GRID2: variants seen among roughly 807,000 people sequenced by gnomAD.
The protein encoded by GRID2 is glutamate ionotropic receptor delta type subunit 2.
GRID2 carries 33 observed loss-of-function variants against 114.8 expected under a neutral mutation model. The observed-to-expected ratio is 0.29, with a 90% CI of 0.22 to 0.38. The LOEUF (loss-of-function observed/expected upper bound fraction) is 0.38, where lower values mean the gene tolerates loss of function less well. Among genes scored for constraint, GRID2 ranks in the 10% least tolerant of loss-of-function variants. The probability of loss-of-function intolerance (pLI) is 1.00; values close to 1 mark genes in which losing one functional copy is unlikely to be tolerated. For missense variants in GRID2, 1,184 were observed against 1,257.7 expected, an observed-to-expected ratio of 0.94 and a Z score of 0.89; for synonymous variants, 505 against 449.9, an observed-to-expected ratio of 1.12 and a Z score of -1.55.
chr4:93,090,674 T>C (rs774092252), intron 3 of GRID2, among the ~76,000 whole-genome samples: 2 of 152,184 alleles, frequency 1.3e-5, no homozygotes, highest in African/African-American at 2.4e-5. Flanking sequence ...CTTCTGCTGA[T>C]CTTTACTTAA....
chr4:93,175,146 T>A (rs1468499058), intron 4 of GRID2, among the ~76,000 whole-genome samples: 1 of 152,092 alleles, frequency 6.6e-6, no homozygotes, highest in Non-Finnish European at 1.5e-5. Flanking sequence ...TATCATTGTT[T>A]TTTTATTTTA....
chr4:92,759,790 T>TC (rs1421180147), intron 2 of GRID2, among the ~76,000 whole-genome samples: 33 of 145,916 alleles, frequency 2.3e-4, no homozygotes, highest in Non-Finnish European at 4.2e-4. Flanking sequence ...TTCTTCTTCT[T>TC]TTTTTTTTTT....
rs114644559 is a variant in GRID2, at chr4:93,450,362, A to T, written c.1546-5300A>T. ...AGAATATTTCAAATGCAAAATTTTC[A>T]TCTTAGAAAAAGCAACTGGACTTGG... On this transcript the variant is annotated intron_variant, in intron 10 of 15. Transcript: ENST00000282020. Among the ~76,000 whole-genome samples the T allele has an allele frequency of 6.9e-3, 1,056 of 152,026 alleles. 9 individuals are homozygous for T. The highest frequency in any genetic ancestry group is 0.023 in the African/African-American group (976 of 41,540).
intron 1 of GRID2, among the ~76,000 whole-genome samples, chr4:92,305,928 ATC>A (rs1304157689): frequency 6.6e-6 from 1 of 152,112 alleles, no homozygotes; most frequent in Non-Finnish European, 1.5e-5. Flanking sequence ...CAGGACTTTT[ATC>A]TGTACGCATG....
intron 1 of GRID2, among the ~76,000 whole-genome samples, chr4:92,450,717 C>A (rs1001668434): frequency 2.0e-5 from 3 of 151,308 alleles, no homozygotes; most frequent in African/African-American, 4.8e-5. Flanking sequence ...TTCTGAATAA[C>A]CTCCTTTAAA....
chr4:93,456,690 T>C (rs1370449132), intron 11 of GRID2, among the ~76,000 whole-genome samples: 1 of 151,202 alleles, frequency 6.6e-6, no homozygotes, highest in Non-Finnish European at 1.5e-5. Context: ...ATTGATAGTC[T>C]CTTGCAAGCT....
intron 2 of GRID2, among the ~76,000 whole-genome samples, chr4:92,944,744 A>G (rs1448390837): frequency 6.6e-6 from 1 of 152,142 alleles, no homozygotes; most frequent in African/African-American, 2.4e-5. Flanking sequence ...ATCTACATAA[A>G]CTCGTGTACT....
chr4:93,271,098 T>C (rs1014150506), intron 8 of GRID2, among the ~76,000 whole-genome samples: 2 of 152,218 alleles, frequency 1.3e-5, no homozygotes, highest in African/African-American at 4.8e-5. Flanking sequence ...AAATTATATA[T>C]GTGTCCCATG....
chr4:92,564,736 C>T (rs977377203), intron 1 of GRID2, among the ~76,000 whole-genome samples: 9 of 151,912 alleles, frequency 5.9e-5, no homozygotes, highest in African/African-American at 2.2e-4. Flanking sequence ...AACCAATACA[C>T]TTAAAATGCA....
chr4:93,139,436 C>T (rs1026323735), intron 4 of GRID2, among the ~76,000 whole-genome samples: 24 of 152,096 alleles, frequency 1.6e-4, no homozygotes, highest in African/African-American at 5.3e-4. Context: ...GTCAGGAAAC[C>T]AGGGGGGATG....
chr4:93,048,578 G>T (rs189946235), intron 2 of GRID2, among the ~76,000 whole-genome samples: 1 of 151,834 alleles, frequency 6.6e-6, no homozygotes, highest in Admixed American at 6.6e-5. Flanking sequence ...TGCTTCCTTC[G>T]CCCCAAACCC....
chr4:93,168,642 C>T (rs1205896380), intron 4 of GRID2, among the ~76,000 whole-genome samples: 1 of 152,010 alleles, frequency 6.6e-6, no homozygotes, highest in Admixed American at 6.6e-5. Context: ...TGGCTATTTC[C>T]TTGCTCTTAG....
chr4:92,796,551 A>G (rs1209883919), intron 2 of GRID2, among the ~76,000 whole-genome samples: 1 of 151,884 alleles, frequency 6.6e-6, no homozygotes, highest in Non-Finnish European at 1.5e-5. Flanking sequence ...CTATTACTGG[A>G]GCTTGCTTCT....
At chr4:93,483,957 A>G (rs1240568356) in intron 11 of GRID2, among the ~76,000 whole-genome samples, 1 of 151,526 alleles carries the variant, frequency 6.6e-6, no homozygotes, top group East Asian at 2.0e-4. Context: ...TTTGGCACAT[A>G]ATTATTTTGT....
At chr4:93,303,786 C>CA (rs1438101608) in intron 8 of GRID2, among the ~76,000 whole-genome samples, 1 of 152,156 alleles carries the variant, frequency 6.6e-6, no homozygotes, top group East Asian at 1.9e-4. Context: ...CTATGACTTA[C>CA]AGAACTGGTT....
At chr4:92,343,022 T>C (rs1172558650) in intron 1 of GRID2, among the ~76,000 whole-genome samples, 1 of 152,182 alleles carries the variant, frequency 6.6e-6, no homozygotes, top group East Asian at 1.9e-4. Context: ...CTGAAAGATA[T>C]AAACTGAGTA....
At chr4:93,417,948 G>C (rs933566350) in intron 9 of GRID2, among the ~76,000 whole-genome samples, 1 of 150,592 alleles carries the variant, frequency 6.6e-6, no homozygotes, top group African/African-American at 2.4e-5. Flanking sequence ...TTGGTGCCCA[G>C]TATTCTTTTG....
intron 2 of GRID2, among the ~76,000 whole-genome samples, chr4:92,742,146 CAGT>C (rs1430701409): frequency 6.6e-6 from 1 of 151,916 alleles, no homozygotes; most frequent in African/African-American, 2.4e-5. Flanking sequence ...GAAAAGCTGG[CAGT>C]ATTTATTTAT....
intron 1 of GRID2, among the ~76,000 whole-genome samples, chr4:92,516,713 G>A (rs1038027260): frequency 3.3e-5 from 5 of 151,822 alleles, no homozygotes; most frequent in African/African-American, 1.2e-4. Flanking sequence ...AACAGGCAAC[G>A]AGATGAGTGT....
Sources: allele counts gnomAD v4.1 joint callset (sites outside exome capture counted in the v4.1 genomes callset), GRCh38; gene constraint gnomAD v4.1.1; transcripts MANE v1.5; gene names NCBI Gene and HGNC (gene_info 2026-07-23, HGNC 2026-07-21).